The following LUZP2 variants were observed in gnomAD, a reference collection of about 807,000 sequenced individuals.
LUZP2 encodes the protein leucine zipper protein 2.
LUZP2 carries 52 observed loss-of-function variants against 51.6 expected under a neutral mutation model. The ratio of observed to expected loss-of-function variants is 1.01; its 90% CI spans 0.81 to 1.27. LUZP2 has a LOEUF of 1.27. Ranked by LOEUF, LUZP2 falls within the 50% of genes most tolerant of loss-of-function variation. The probability of loss-of-function intolerance (pLI) is 0.00; values close to 1 mark genes in which losing one functional copy is unlikely to be tolerated. For synonymous variants in LUZP2, 154 were observed against 137.3 expected (o/e 1.12, Z -0.85); for missense variants, 436 against 395.4 (o/e 1.10, Z -0.87).
chr11:25,025,367 A>T (rs1435432778), intron 9 of LUZP2, among the ~76,000 whole-genome samples: 1 of 152,190 alleles, frequency 6.6e-6, no homozygotes, highest in Non-Finnish European at 1.5e-5. Flanking sequence ...CAACCTACAG[A>T]ATGGGAGAAA....
chr11:24,576,547 G>C (rs1852657829), intron 1 of LUZP2, among the ~76,000 whole-genome samples: 2 of 150,926 alleles, frequency 1.3e-5, no homozygotes, highest in African/African-American at 4.9e-5. Flanking sequence ...GAGAGGTAGG[G>C]AATGAGTAAT....
chr11:24,738,295 A>G lies in LUZP2; in HGVS notation c.326A>G (p.Gln109Arg). Residue 109 changes from glutamine (Q) to arginine (R), a missense_variant, in exon 4 of 12, where the codon CAG (glutamine) becomes CGG (arginine). Physicochemically the swap from Gln to Arg is conservative, Grantham distance 43 (BLOSUM62 1). Coordinates refer to ENST00000336930, the MANE Select transcript of LUZP2 (RefSeq NM_001009909.4). ...KETSEKAEKH[Q>R]ATINFLKTEV... Reference sequence around the variant, plus strand: ...ACATCAGAGAAAGCAGAAAAACACCAGGCTACTGTAAGTGTGTTTCTTCTT... The same window carrying G: ...ACATCAGAGAAAGCAGAAAAACACCGGGCTACTGTAAGTGTGTTTCTTCTT... The G allele has an allele frequency of 6.2e-7, 1 of 1,611,158 alleles. No individual in the cohort carries two copies. The highest frequency in any genetic ancestry group is 1.1e-5 in the South Asian group (1 of 90,914).
chr11:24,602,580 CA>C (rs1027703389), intron 1 of LUZP2, among the ~76,000 whole-genome samples: 4 of 151,474 alleles, frequency 2.6e-5, no homozygotes, highest in Non-Finnish European at 5.9e-5. Flanking sequence ...TTTTGTCTCA[CA>C]AATGCTTTAT....
chr11:25,051,480 T>G (rs1858512377), intron 10 of LUZP2, among the ~76,000 whole-genome samples: 1 of 152,170 alleles, frequency 6.6e-6, no homozygotes, highest in African/African-American at 2.4e-5. Context: ...TCAAAAAGAC[T>G]TTGGGCAGGA....
chr11:24,602,164 A>ATG (rs796086362), intron 1 of LUZP2, among the ~76,000 whole-genome samples: 2 of 70,152 alleles, frequency 2.9e-5, no homozygotes, highest in Non-Finnish European at 5.9e-5. Context: ...ATATGTATAT[A>ATG]TGTGTATATA....
intron 1 of LUZP2, among the ~76,000 whole-genome samples, chr11:24,698,774 G>A (rs1027978200): frequency 6.6e-6 from 1 of 152,010 alleles, no homozygotes; most frequent in African/African-American, 2.4e-5. Context: ...CTTAAAACCA[G>A]TTATCCAGGC....
At chr11:24,939,100 G>A (rs1002872725) in intron 7 of LUZP2, among the ~76,000 whole-genome samples, 2 of 151,644 alleles carry the variant, frequency 1.3e-5, no homozygotes, top group Non-Finnish European at 2.9e-5. Context: ...AAATTCTGTA[G>A]ACACTGGTGT....
intron 3 of LUZP2, among the ~76,000 whole-genome samples, chr11:24,735,396 A>C (rs978176069): frequency 6.6e-6 from 1 of 151,920 alleles, no homozygotes; most frequent in African/African-American, 2.4e-5. Flanking sequence ...CAGGACCCTG[A>C]AATGTCTGAA....
At chr11:24,609,979 G>A (rs1854063441) in intron 1 of LUZP2, among the ~76,000 whole-genome samples, 2 of 152,122 alleles carry the variant, frequency 1.3e-5, no homozygotes, top group Admixed American at 6.6e-5. Flanking sequence ...GCAATCAGCT[G>A]GCAATTAGCC....
chr11:24,562,844 A>G (rs1321435065), intron 1 of LUZP2, among the ~76,000 whole-genome samples: 1 of 147,552 alleles, frequency 6.8e-6, no homozygotes, highest in Non-Finnish European at 1.5e-5. Context: ...CCTGGGTGAC[A>G]GAGTGAGACT....
intron 7 of LUZP2, among the ~76,000 whole-genome samples, chr11:24,940,278 G>A (rs1854706442): frequency 6.6e-6 from 1 of 152,056 alleles, no homozygotes; most frequent in Non-Finnish European, 1.5e-5. Flanking sequence ...CTACTTGGCT[G>A]TGAAAGGAAA....
intron 1 of LUZP2, among the ~76,000 whole-genome samples, chr11:24,550,357 C>G (rs1043916950): frequency 1.3e-5 from 2 of 152,082 alleles, no homozygotes; most frequent in African/African-American, 4.8e-5. Context: ...CACATTATTT[C>G]AAGTTTGACT....
chr11:24,959,782 T>C (rs944833583), intron 7 of LUZP2, among the ~76,000 whole-genome samples: 2 of 152,202 alleles, frequency 1.3e-5, no homozygotes, highest in African/African-American at 4.8e-5. Context: ...GAACTTCCAA[T>C]ACTATGTTGA....
At position 25,071,725 on chromosome 11, in the gene LUZP2, G is replaced by A. The variant is rs898235288; in HGVS notation, c.859-5604G>A. Among the ~76,000 whole-genome samples, 20 of 151,426 alleles carry A rather than the reference G, an allele frequency of 1.3e-4. 1 individual carries two copies. Among genetic ancestry groups the A allele is most frequent in the Admixed American group, 6.6e-4 (10 of 15,144 alleles). On this transcript the variant is annotated intron_variant, in intron 10 of 11. Transcript: ENST00000336930. The stretch of plus-strand genomic sequence containing the variant: ...AGGAGATATACCTAATGTAAATGAC[G>A]AGTTAACGGGTGCAGCACACCAACA...
chr11:24,747,059 G>A (rs1225162884), intron 4 of LUZP2, among the ~76,000 whole-genome samples: 1 of 152,112 alleles, frequency 6.6e-6, no homozygotes, highest in Non-Finnish European at 1.5e-5. Context: ...AGGTAAATCA[G>A]GGATGTCTTC....
chr11:24,976,766 A>G (rs1461590217), intron 8 of LUZP2, 101 bp downstream of exon 8: 1 of 624,382 alleles, frequency 1.6e-6, no homozygotes, highest in Non-Finnish European at 2.4e-6. Flanking sequence ...TGATTTATTA[A>G]TGTGTTTCTA....
chr11:24,666,705 G>C (rs1856225451), intron 1 of LUZP2, among the ~76,000 whole-genome samples: 1 of 152,136 alleles, frequency 6.6e-6, no homozygotes, highest in African/African-American at 2.4e-5. Context: ...TTAATCATGG[G>C]AAGGGCAGTA....
chr11:24,881,303 C>A, intron 5 of LUZP2, among the ~76,000 whole-genome samples: 1 of 143,522 alleles, frequency 7.0e-6, no homozygotes, highest in Admixed American at 6.8e-5. Flanking sequence ...AAAGGAGAGA[C>A]TGAGTAATTG....
intron 9 of LUZP2, among the ~76,000 whole-genome samples, chr11:24,992,058 A>C (rs1402218175): frequency 6.6e-6 from 1 of 151,920 alleles, no homozygotes; most frequent in Non-Finnish European, 1.5e-5. Flanking sequence ...GTGGTGCAAA[A>C]GCTCTTATCT....
Sources: gnomAD v4.1 joint callset for allele counts (sites outside exome capture counted in the v4.1 genomes callset) on GRCh38, gnomAD v4.1.1 for gene constraint, MANE v1.5 for transcripts, NCBI Gene and HGNC (gene_info 2026-07-23, HGNC 2026-07-21) for gene names.